PARD3B: variants seen among roughly 807,000 people sequenced by gnomAD.
PARD3B encodes the protein partitioning defective 3 homolog B.
Under a neutral mutation model 130.2 loss-of-function variants are expected in PARD3B, and 103 were observed. The ratio of observed to expected loss-of-function variants is 0.79; its 90% CI spans 0.67 to 0.93. PARD3B has a LOEUF of 0.93. PARD3B is among the 40% of genes least tolerant of loss of function. The pLI is 0.00. For synonymous variants in PARD3B, 583 were observed against 553.2 expected (o/e 1.05, Z -0.76); for missense variants, 1,609 against 1,499.2 (o/e 1.07, Z -1.21).
At chr2:205,141,307 A>G (rs2032931650) in intron 10 of PARD3B, among the ~76,000 whole-genome samples, 1 of 152,234 alleles carries the variant, frequency 6.6e-6, no homozygotes, top group Non-Finnish European at 1.5e-5. Context: ...AAGCACCACC[A>G]ACTGTCAGAG....
chr2:205,158,961 T>C lies in PARD3B; in HGVS notation c.1620+54T>C. The C allele has an allele frequency of 6.3e-7, 1 of 1,579,804 alleles. No homozygotes were observed. The highest frequency in any genetic ancestry group is 8.7e-7 in the Non-Finnish European group (1 of 1,153,356). On this transcript the variant is annotated intron_variant, in intron 11 of 22. Coordinates refer to ENST00000406610, the MANE Select transcript of PARD3B (RefSeq NM_001302769.2). The surrounding 1 kb of genome is among the most constrained non-coding windows in gnomAD (Gnocchi z 5.4). ...TTGAGAAGGCACTTGGAGATGTGAC[T>C]GTTGTACTTAGAGACTGAATGGAGA...
chr2:204,574,286 A>G (rs1370465612), intron 1 of PARD3B, among the ~76,000 whole-genome samples: 1 of 152,234 alleles, frequency 6.6e-6, no homozygotes, highest in East Asian at 1.9e-4. Flanking sequence ...TCTAAAAGAA[A>G]TTATGACAAA....
At chr2:204,918,112 G>A (rs1369470341) in intron 2 of PARD3B, among the ~76,000 whole-genome samples, 2 of 152,198 alleles carry the variant, frequency 1.3e-5, no homozygotes, top group Non-Finnish European at 2.9e-5. Context: ...ATGGAATGAA[G>A]TTAAACCAAG....
intron 22 of PARD3B, among the ~76,000 whole-genome samples, chr2:205,607,837 CACACACACACACA>C (rs2055064401): frequency 2.1e-5 from 2 of 94,334 alleles, no homozygotes; most frequent in South Asian, 3.4e-4. Flanking sequence ...CCCATACACA[CACACACACACACA>C]CACACACACA....
At chr2:204,731,574 A>G (rs79001838) in intron 2 of PARD3B, among the ~76,000 whole-genome samples, 1 of 152,152 alleles carries the variant, frequency 6.6e-6, no homozygotes, top group African/African-American at 2.4e-5. Context: ...TCAAGGTGAG[A>G]GTTGACTTTT....
intron 3 of PARD3B, among the ~76,000 whole-genome samples, chr2:204,999,027 C>T (rs1317749438): frequency 6.6e-6 from 1 of 151,810 alleles, no homozygotes; most frequent in Non-Finnish European, 1.5e-5. Flanking sequence ...ACTGGCACTT[C>T]TAGAGTAATC....
At chr2:205,454,518 G>GA (rs2048206621) in intron 20 of PARD3B, among the ~76,000 whole-genome samples, 2 of 152,124 alleles carry the variant, frequency 1.3e-5, no homozygotes, top group South Asian at 4.1e-4. Context: ...AACCCATCCA[G>GA]AAATGGAATT....
chr2:204,974,816 C>A (rs1422173343), intron 3 of PARD3B, among the ~76,000 whole-genome samples: 5 of 152,088 alleles, frequency 3.3e-5, no homozygotes, highest in South Asian at 2.1e-4. Context: ...AGTGTCAATG[C>A]CAGAGAAAAT....
intron 2 of PARD3B, among the ~76,000 whole-genome samples, chr2:204,765,814 G>C (rs931408346): frequency 1.3e-5 from 2 of 152,286 alleles, no homozygotes; most frequent in African/African-American, 4.8e-5. Context: ...GAAGATGCCT[G>C]ACAAGGACAG....
chr2:204,557,484 T>G (rs1020870288), intron 1 of PARD3B, among the ~76,000 whole-genome samples: 1 of 152,176 alleles, frequency 6.6e-6, no homozygotes, highest in Non-Finnish European at 1.5e-5. Flanking sequence ...CGTCTCTACA[T>G]CCCAAGAACA....
intron 21 of PARD3B, among the ~76,000 whole-genome samples, chr2:205,529,361 G>A (rs987138801): frequency 1.3e-5 from 2 of 152,202 alleles, no homozygotes; most frequent in Non-Finnish European, 2.9e-5. Context: ...TTTGTCGGGT[G>A]TGACAACCAA....
chr2:205,528,607 TCAGCCTCC>T (rs2051442149), intron 21 of PARD3B, among the ~76,000 whole-genome samples: 1 of 152,060 alleles, frequency 6.6e-6, no homozygotes, highest in Non-Finnish European at 1.5e-5. Flanking sequence ...TTCTTCTGCC[TCAGCCTCC>T]CAAGTAGTTG....
intron 1 of PARD3B, among the ~76,000 whole-genome samples, chr2:204,613,828 C>A (rs1214970366): frequency 1.3e-5 from 2 of 151,936 alleles, no homozygotes; most frequent in Non-Finnish European, 2.9e-5. Flanking sequence ...CTGCTGTTTG[C>A]CTTATTGATC....
chr2:205,064,792 A>T (rs1700261023), intron 4 of PARD3B, among the ~76,000 whole-genome samples: 1 of 152,218 alleles, frequency 6.6e-6, no homozygotes, highest in Admixed American at 6.5e-5. Context: ...TTTGATAAGC[A>T]TAAAAAAGTC....
chr2:204,899,269 C>CCTTCCTTCCTGTCTTCCTTCCTGT (rs1159934494), intron 2 of PARD3B, among the ~76,000 whole-genome samples: 45 of 124,782 alleles, frequency 3.6e-4, no homozygotes, highest in Admixed American at 2.9e-4. Flanking sequence ...TTCCTTCCTT[C>CCTTCCTTCCTGTCTTCCTTCCTGT]CTTCCTTCCT....
chr2:204,604,893 T>G (rs1410092757), intron 1 of PARD3B, among the ~76,000 whole-genome samples: 4 of 152,130 alleles, frequency 2.6e-5, no homozygotes, highest in African/African-American at 9.7e-5. Flanking sequence ...CTGGAGTCAC[T>G]TAGTGATATT....
intron 1 of PARD3B, among the ~76,000 whole-genome samples, chr2:204,661,789 ATTG>A (rs1171139561): frequency 6.6e-6 from 1 of 152,202 alleles, no homozygotes; most frequent in African/African-American, 2.4e-5. Context: ...TGAAAAAAGT[ATTG>A]TTTTACATTT....
chr2:204,794,608 G>A (rs1252748714), intron 2 of PARD3B, among the ~76,000 whole-genome samples: 1 of 152,196 alleles, frequency 6.6e-6, no homozygotes, highest in Non-Finnish European at 1.5e-5. Flanking sequence ...AAATGACCTT[G>A]AGCACAGATA....
chr2:205,174,711 C>G lies in PARD3B; in HGVS notation c.1792-1734C>G, dbSNP rs144675520. On this transcript the variant is annotated intron_variant, in intron 12 of 22. Coordinates refer to ENST00000406610, the MANE Select transcript of PARD3B (RefSeq NM_001302769.2). ...TTTGCCAGGAATACCAAAATGGTTG[C>G]TTGAACATTATATTGATATCTCAAA... Among the ~76,000 whole-genome samples the G allele has an allele frequency of 6.9e-3, 1,050 of 152,228 alleles. 11 individuals are homozygous for G. Among genetic ancestry groups the G allele is most frequent in the Non-Finnish European group, 0.01 (705 of 68,006 alleles).
Sources: gnomAD v4.1 joint callset for allele counts (sites outside exome capture counted in the v4.1 genomes callset) on GRCh38, gnomAD v4.1.1 for gene constraint, Gnocchi (gnomAD v3.1) non-coding constraint, MANE v1.5 for transcripts, NCBI Gene and HGNC (gene_info 2026-07-23, HGNC 2026-07-21) for gene names.